The following LARGE1 variants were observed in gnomAD, a reference collection of about 807,000 sequenced individuals.
LARGE1 encodes LARGE xylosyl- and glucuronyltransferase 1, also known as xylosyl- and glucuronyltransferase LARGE1.
A neutral mutation model predicts 87.6 loss-of-function variants in LARGE1; 43 were observed. The ratio of observed to expected loss-of-function variants is 0.49; its 90% confidence interval spans 0.38 to 0.63. LARGE1 has a LOEUF of 0.63. LARGE1 is among the 30% of genes least tolerant of loss of function. The pLI is 0.00. For missense variants in LARGE1, 802 were observed against 1,000.2 expected (o/e 0.80, Z 2.67); for synonymous variants, 434 against 394.6 (o/e 1.10, Z -1.18).
At chr22:33,377,109 T>C (rs2065016332) in intron 9 of LARGE1, among the ~76,000 whole-genome samples, 1 of 152,148 alleles carries the variant, frequency 6.6e-6, no homozygotes, top group Admixed American at 6.5e-5. Flanking sequence ...AATATGAATG[T>C]TGCCAAAATA....
chr22:33,324,857 C>T (rs149410634), intron 10 of LARGE1, among the ~76,000 whole-genome samples: 69 of 152,314 alleles, frequency 4.5e-4, no homozygotes, highest in Admixed American at 1.7e-3. Flanking sequence ...ATTAGTAAGA[C>T]AAAGGGTTTG....
At chr22:33,907,755 C>T (rs368999694) in intron 1 of LARGE1, among the ~76,000 whole-genome samples, 7 of 152,218 alleles carry the variant, frequency 4.6e-5, no homozygotes, top group South Asian at 2.1e-4. Flanking sequence ...CCACCACGCC[C>T]GGCTAATTTT....
intron 6 of LARGE1, among the ~76,000 whole-genome samples, chr22:33,437,123 T>C (rs937005665): frequency 2.0e-5 from 3 of 152,200 alleles, no homozygotes; most frequent in African/African-American, 7.2e-5. Context: ...ACTCCCCAGG[T>C]AATTCAGATG....
chr22:33,677,049 G>A (rs919045091), intron 2 of LARGE1, among the ~76,000 whole-genome samples: 4 of 151,980 alleles, frequency 2.6e-5, no homozygotes, highest in Admixed American at 6.6e-5. Context: ...GAAAAAAATC[G>A]ACGGCTCAGA....
intron 4 of LARGE1, among the ~76,000 whole-genome samples, chr22:33,616,459 G>C (rs2079584199): frequency 6.6e-6 from 1 of 151,394 alleles, no homozygotes. Flanking sequence ...TTGAACCCAA[G>C]AGGTGGAGGT....
At chr22:33,620,425 T>G (rs2079711758) in intron 4 of LARGE1, among the ~76,000 whole-genome samples, 1 of 152,222 alleles carries the variant, frequency 6.6e-6, no homozygotes, top group Non-Finnish European at 1.5e-5. Flanking sequence ...CAACTGGGAT[T>G]GGAGTCACAG....
At chr22:33,161,248 A>C (rs1922013769), downstream of LARGE1, among the ~76,000 whole-genome samples, 1 of 152,146 alleles carries the variant, frequency 6.6e-6, no homozygotes, top group Non-Finnish European at 1.5e-5. Context: ...GGTCCCTCCC[A>C]CGACCCATGG....
At chr22:33,164,017 C>T (rs1387312992) in exon 12 of LARGE1, 1 of 152,170 alleles carries the variant, frequency 6.6e-6, no homozygotes, top group Non-Finnish European at 1.5e-5. Flanking sequence ...ATATTAACAT[C>T]AAATACCAGG....
chr22:33,184,421 C>A (rs2146175272), intron 11 of LARGE1, among the ~76,000 whole-genome samples: 1 of 151,500 alleles, frequency 6.6e-6, no homozygotes, highest in Non-Finnish European at 1.5e-5. Context: ...CATATCACTA[C>A]TATTGAGAAG....
intron 11 of LARGE1, among the ~76,000 whole-genome samples, chr22:33,195,442 G>T (rs889062251): frequency 6.6e-6 from 1 of 151,890 alleles, no homozygotes; most frequent in African/African-American, 2.4e-5. Flanking sequence ...CATAAAATAA[G>T]TTTTATTAAA....
intron 11 of LARGE1, among the ~76,000 whole-genome samples, chr22:33,249,613 T>C (rs1205047403): frequency 6.6e-6 from 1 of 152,214 alleles, no homozygotes. Flanking sequence ...AAGTCATTAC[T>C]ATACCCAAGA....
chr22:33,733,262 T>A (rs2083534880), intron 2 of LARGE1: 2 of 152,242 alleles, frequency 1.3e-5, no homozygotes, highest in South Asian at 4.1e-4. Flanking sequence ...CAGACTCTAG[T>A]AATTTAATTC....
At chr22:33,537,482 A>G (rs1196345908) in intron 6 of LARGE1, among the ~76,000 whole-genome samples, 1 of 152,158 alleles carries the variant, frequency 6.6e-6, no homozygotes, top group East Asian at 1.9e-4. Flanking sequence ...TTTGGGGGTC[A>G]CCTGTATAGT....
At chr22:33,533,703 T>C (rs185935267) in intron 6 of LARGE1, among the ~76,000 whole-genome samples, 142 of 152,332 alleles carry the variant, frequency 9.3e-4, no homozygotes, top group African/African-American at 3.4e-3. Context: ...AGAACCTAGA[T>C]GGTAAACTGC....
intron 4 of LARGE1, among the ~76,000 whole-genome samples, chr22:33,616,079 A>T (rs1454522325): frequency 6.6e-6 from 1 of 152,258 alleles, no homozygotes; most frequent in African/African-American, 2.4e-5. Context: ...AAAATGAAGC[A>T]GCTGGTAGGA....
intron 2 of LARGE1, among the ~76,000 whole-genome samples, chr22:33,658,070 G>C (rs978253307): frequency 2.6e-5 from 4 of 152,138 alleles, no homozygotes; most frequent in Admixed American, 2.6e-4. Flanking sequence ...GAACCGGAAT[G>C]TCTCCTATTC....
chr22:33,207,685 T>G lies in LARGE1; in HGVS notation c.1731-40853A>C, dbSNP rs551358112. Among the ~76,000 whole-genome samples, 4 of 152,058 alleles carry G rather than the reference T, an allele frequency of 2.6e-5. No homozygotes were observed. The East Asian group carries it at 7.7e-4, about 29-fold the overall frequency. ...TAAGCTTCTTTTTCCACCCAGCCAT[T>G]GCTCTATTTCTTTCTTTTTCCTTTG... On this transcript the variant is annotated intron_variant, in intron 11 of 11. Transcript: ENST00000608642.
At chr22:33,509,236 C>G (rs1317684654) in intron 6 of LARGE1, among the ~76,000 whole-genome samples, 2 of 152,186 alleles carry the variant, frequency 1.3e-5, no homozygotes, top group African/African-American at 4.8e-5. Context: ...CCAAGTGAGG[C>G]TGATGCTGCT....
chr22:33,338,598 G>T (rs530960138), intron 9 of LARGE1, among the ~76,000 whole-genome samples: 1 of 152,180 alleles, frequency 6.6e-6, no homozygotes, highest in African/African-American at 2.4e-5. Flanking sequence ...CAGCTAGGAC[G>T]TTGAATGATA....
Sources: gnomAD v4.1 joint callset for allele counts (sites outside exome capture counted in the v4.1 genomes callset) on GRCh38, gnomAD v4.1.1 for gene constraint, MANE v1.5 for transcripts, NCBI Gene and HGNC (gene_info 2026-07-23, HGNC 2026-07-21) for gene names.